XRCC4: variants seen among roughly 807,000 people sequenced by gnomAD.
XRCC4 encodes the protein DNA repair protein XRCC4.
XRCC4 carries 28 observed loss-of-function variants against 39.1 expected under a neutral mutation model. The ratio of observed to expected loss-of-function variants is 0.72; its 90% CI spans 0.53 to 0.98. XRCC4 has a LOEUF of 0.98. Ranked by LOEUF, XRCC4 falls within the 50% of genes least tolerant of loss-of-function variation. XRCC4 has a pLI of 0.00. For missense variants in XRCC4, 350 were observed against 376.4 expected (o/e 0.93, Z 0.58); for synonymous variants, 123 against 126.4 (o/e 0.97, Z 0.18).
chr5:83,181,304 A>G (rs1269749815), intron 3 of XRCC4, among the ~76,000 whole-genome samples: 1 of 152,064 alleles, frequency 6.6e-6, no homozygotes, highest in Non-Finnish European at 1.5e-5. Flanking sequence ...TTTAAATATT[A>G]TCAACATTAG....
intron 3 of XRCC4, among the ~76,000 whole-genome samples, chr5:83,170,821 A>C (rs929566016): frequency 6.6e-6 from 1 of 152,114 alleles, no homozygotes; most frequent in Non-Finnish European, 1.5e-5. Flanking sequence ...TCACACCTGA[A>C]AGGAGGGGGA....
chr5:83,178,936 GC>G (rs1264565509), intron 3 of XRCC4, among the ~76,000 whole-genome samples: 2 of 152,084 alleles, frequency 1.3e-5, no homozygotes, highest in Non-Finnish European at 2.9e-5. Flanking sequence ...TGGTACTCCT[GC>G]CCAAAGTACT....
At position 83,157,480 on chromosome 5, in the gene XRCC4, G is replaced by A. The variant is rs536296458; in HGVS notation, c.316-38290G>A. Among the ~76,000 whole-genome samples the A allele has an allele frequency of 1.2e-4, 19 of 152,064 alleles. No individual in the cohort carries two copies. In the South Asian group the frequency reaches 3.1e-3, roughly 25 times the overall value. ...TTTGGGGAAATCCTGTAATAAAAAC[G>A]CAGTGATCAAATAAAATAAAAAAAA... On this transcript the variant is annotated intron_variant, in intron 3 of 7. Coordinates refer to ENST00000396027, the MANE Select transcript of XRCC4 (RefSeq NM_003401.5).
chr5:83,103,073 A>G (rs1746028602), intron 1 of XRCC4, among the ~76,000 whole-genome samples: 2 of 143,980 alleles, frequency 1.4e-5, no homozygotes, highest in Non-Finnish European at 3.0e-5. Context: ...ATGGATTATT[A>G]TTTAGTCACT....
intron 3 of XRCC4, among the ~76,000 whole-genome samples, chr5:83,182,980 A>G (rs191352255): frequency 6.6e-6 from 1 of 152,302 alleles, no homozygotes; most frequent in East Asian, 1.9e-4. Flanking sequence ...ACTAAGACAC[A>G]TCTCTTACCT....
intron 7 of XRCC4, among the ~76,000 whole-genome samples, chr5:83,315,925 G>C (rs1323859406): frequency 6.6e-6 from 1 of 152,140 alleles, no homozygotes; most frequent in East Asian, 1.9e-4. Flanking sequence ...ATTACATTTT[G>C]TAAGGCTACA....
intron 6 of XRCC4, among the ~76,000 whole-genome samples, chr5:83,253,297 T>C (rs754631784): frequency 1.3e-5 from 2 of 152,244 alleles, no homozygotes; most frequent in African/African-American, 4.8e-5. Flanking sequence ...AGGGCTAAGA[T>C]CTTAGGACTT....
At chr5:83,248,823 TA>T (rs1278327191) in intron 6 of XRCC4, among the ~76,000 whole-genome samples, 1 of 152,188 alleles carries the variant, frequency 6.6e-6, no homozygotes, top group Non-Finnish European at 1.5e-5. Context: ...ATTAGTCATT[TA>T]AAAAATAAAA....
At chr5:83,146,619 C>T (rs1051694660) in intron 3 of XRCC4, among the ~76,000 whole-genome samples, 6 of 152,164 alleles carry the variant, frequency 3.9e-5, no homozygotes, top group African/African-American at 1.4e-4. Context: ...GGAGCTCTCT[C>T]ATTTGTCACG....
rs896183472 is a variant in XRCC4, at chr5:83,324,979, T to A, written c.894-28152T>A. ...GACGGCCTCCCCACCTTTGGCTACT[T>A]TGGGAACCCTTCAAGTGATTTTTTT... On this transcript the variant is annotated intron_variant, in intron 7 of 7. Transcript: ENST00000396027. 4.6e-5 allele frequency among the ~76,000 whole-genome samples: 7 copies of A among 152,142 alleles called. No individual in the cohort carries two copies. In the East Asian group the frequency reaches 9.6e-4, roughly 21 times the overall value.
At position 83,286,195 on chromosome 5, in the gene XRCC4, T is replaced by C. The variant is rs563889635; in HGVS notation, c.893+27518T>C. ...GTGAATTTCACTTTCCTTTCTCAAT[T>C]AATCAACTTCGTGTCTGAAGTGTCT... On this transcript the variant is annotated intron_variant, in intron 7 of 7. Coordinates refer to ENST00000396027, the MANE Select transcript of XRCC4 (RefSeq NM_003401.5). Among the ~76,000 whole-genome samples the C allele has an allele frequency of 3.3e-5, 5 of 152,222 alleles. No individual in the cohort carries two copies. The South Asian group carries it at 8.3e-4, about 25-fold the overall frequency.
chr5:83,151,389 A>T (rs1748695624), intron 3 of XRCC4, among the ~76,000 whole-genome samples: 1 of 152,186 alleles, frequency 6.6e-6, no homozygotes, highest in African/African-American at 2.4e-5. Flanking sequence ...AAAGTGCCAT[A>T]TAAAAAGGAA....
At chr5:83,144,547 T>TC (rs1174694431) in intron 3 of XRCC4, among the ~76,000 whole-genome samples, 304 of 17,192 alleles carry the variant, frequency 0.018, no homozygotes, top group Non-Finnish European at 0.026. Context: ...GTTTTGTGTC[T>TC]CCCCACCCCC....
chr5:83,160,925 T>C (rs1749175502), intron 3 of XRCC4, among the ~76,000 whole-genome samples: 1 of 152,096 alleles, frequency 6.6e-6, no homozygotes, highest in Non-Finnish European at 1.5e-5. Context: ...AATTTGTCAT[T>C]TTCAGGCACT....
intron 2 of XRCC4, among the ~76,000 whole-genome samples, chr5:83,105,431 T>C (rs556771974): frequency 8.7e-4 from 132 of 152,270 alleles, no homozygotes; most frequent in African/African-American, 3.0e-3. Context: ...GTGTGTTGCC[T>C]TGGGGCAATG....
intron 3 of XRCC4, among the ~76,000 whole-genome samples, chr5:83,159,554 T>C (rs890760242): frequency 2.6e-5 from 4 of 152,222 alleles, no homozygotes; most frequent in Admixed American, 2.0e-4. Flanking sequence ...CTTTTTGTTC[T>C]GATGATAGGT....
intron 7 of XRCC4, among the ~76,000 whole-genome samples, chr5:83,350,270 G>A (rs1407235337): frequency 6.6e-6 from 1 of 152,102 alleles, no homozygotes; most frequent in East Asian, 1.9e-4. Context: ...TTTTTTGGGA[G>A]GTATATGCCC....
At chr5:83,360,884 G>T in the XRCC4 span, among the ~76,000 whole-genome samples, 1 of 152,120 alleles carries the variant, frequency 6.6e-6, no homozygotes, top group Non-Finnish European at 1.5e-5. Flanking sequence ...ACATAGCAGT[G>T]TTTTGACAAT....
intron 7 of XRCC4, among the ~76,000 whole-genome samples, chr5:83,309,296 A>AAAAAAATATATATATATATATAT (rs1561467702): frequency 4.2e-5 from 3 of 72,228 alleles, no homozygotes; most frequent in Non-Finnish European, 6.2e-5. Flanking sequence ...AAAAAAAAAA[A>AAAAAAATATATATATATATATAT]ATATATATAT....
Sources: allele counts gnomAD v4.1 joint callset (sites outside exome capture counted in the v4.1 genomes callset), GRCh38; gene constraint gnomAD v4.1.1; transcripts MANE v1.5; gene names NCBI Gene and HGNC (gene_info 2026-07-23, HGNC 2026-07-21).